Variants in ZMYM6 observed in about 807,000 individuals in gnomAD.
ZMYM6 encodes zinc finger MYM-type protein 6.
ZMYM6 carries 90 observed loss-of-function variants against 134.0 expected under a neutral mutation model. That is an observed-to-expected ratio of 0.67 (90% CI 0.57 to 0.80). The LOEUF (loss-of-function observed/expected upper bound fraction) is 0.80, where lower values mean the gene tolerates loss of function less well. ZMYM6 is among the 30% of genes least tolerant of loss of function. ZMYM6 has a pLI of 0.00. For synonymous variants in ZMYM6, 481 were observed against 524.1 expected (o/e 0.92, Z 1.12); for missense variants, 1,362 against 1,533.9 (o/e 0.89, Z 1.87).
At chr1:35,013,926 G>A (rs545907452) in intron 6 of ZMYM6, among the ~76,000 whole-genome samples, 229 of 152,240 alleles carry the variant, frequency 1.5e-3, no homozygotes, top group African/African-American at 5.3e-3. Flanking sequence ...CCCTGACCTC[G>A]TGATCCACCC....
intron 2 of ZMYM6, chr1:35,030,327 G>C (rs1180289139): frequency 1.2e-5 from 6 of 515,414 alleles, no homozygotes; most frequent in Admixed American, 1.1e-4. Flanking sequence ...AGCTACACAG[G>C]AGGCTGAGGT....
intron 4 of ZMYM6, chr1:35,017,455 A>G (rs917429951): frequency 5.3e-5 from 8 of 152,212 alleles, no homozygotes; most frequent in African/African-American, 1.4e-4. Flanking sequence ...AGCAAGTAAA[A>G]ATATGTAAAT....
chr1:34,992,340 G>A lies in ZMYM6; in HGVS notation c.2040C>T (p.Ser680=). The change falls in exon 15 of 16, where the codon TCC becomes TCT. Residue 680 remains serine (S), a synonymous_variant. Coordinates refer to ENST00000357182, the MANE Select transcript of ZMYM6 (RefSeq NM_007167.4). ...DAMKFPSSQS[S]QPSRLLKNKG... ...TGTTCTTTAAAAGCCTGGAAGGCTGGGAAGATTGGGAAGATGGAAATTTCA... is the reference window on the plus strand; with the variant it reads ...TGTTCTTTAAAAGCCTGGAAGGCTGAGAAGATTGGGAAGATGGAAATTTCA... The A allele has an allele frequency of 6.2e-7, 1 of 1,614,052 alleles. No individual in the cohort carries two copies. Among genetic ancestry groups the A allele is most frequent in the Non-Finnish European group, 8.5e-7 (1 of 1,179,954 alleles).
chr1:34,992,689 TA>T (rs1640701116), intron 14 of ZMYM6, among the ~76,000 whole-genome samples: 1 of 137,694 alleles, frequency 7.3e-6, no homozygotes, highest in Non-Finnish European at 1.5e-5. Context: ...TTTGTAAATA[TA>T]AAAATAAAAA....
chr1:35,031,767 T>A (rs1007620729), intron 1 of ZMYM6, 48 bp downstream of exon 1: 1 of 152,562 alleles, frequency 6.6e-6, no homozygotes, highest in African/African-American at 2.4e-5. Flanking sequence ...TCACGTGGTG[T>A]GGCCTCCGCC....
At chr1:34,993,081 A>G (rs1328415827) in intron 14 of ZMYM6, among the ~76,000 whole-genome samples, 4 of 150,046 alleles carry the variant, frequency 2.7e-5, no homozygotes, top group African/African-American at 7.3e-5. Flanking sequence ...AGAACTTTCA[A>G]ATAAACAGAT....
At chr1:35,015,409 C>G (rs1226958433) in intron 4 of ZMYM6, among the ~76,000 whole-genome samples, 1 of 151,814 alleles carries the variant, frequency 6.6e-6, no homozygotes, top group Non-Finnish European at 1.5e-5. Flanking sequence ...ATAAATTTGT[C>G]AAGAGTGAAT....
intron 14 of ZMYM6, among the ~76,000 whole-genome samples, chr1:34,996,763 G>T (rs1569749383): frequency 6.6e-6 from 1 of 152,232 alleles, no homozygotes; most frequent in East Asian, 1.9e-4. Flanking sequence ...CCTGAACAAG[G>T]CCACTGTGTA....
chr1:34,995,053 CGTATATATATGTAATATATATACTTACAT>C (rs1640755052), intron 14 of ZMYM6, among the ~76,000 whole-genome samples: 1 of 126,280 alleles, frequency 7.9e-6, no homozygotes, highest in Non-Finnish European at 1.6e-5. Context: ...TACTTACATA[CGTATATATATGTAATATATATACTTACAT>C]ACGTATATAT....
intron 2 of ZMYM6, among the ~76,000 whole-genome samples, chr1:35,027,251 G>C (rs995883763): frequency 6.6e-6 from 1 of 152,148 alleles, no homozygotes; most frequent in African/African-American, 2.4e-5. Context: ...ACACTGGAGA[G>C]GGAAACAAAG....
At chr1:35,030,166 A>C (rs1476537907) in intron 2 of ZMYM6, 1 of 163,824 alleles carries the variant, frequency 6.1e-6, no homozygotes, top group Admixed American at 6.4e-5. Flanking sequence ...ATGGTGGCTC[A>C]TGCCTGTAAT....
At chr1:34,991,671 G>C (rs1320828854) in intron 15 of ZMYM6, among the ~76,000 whole-genome samples, 2 of 152,096 alleles carry the variant, frequency 1.3e-5, no homozygotes, top group South Asian at 2.1e-4. Context: ...TCAGGAGGCT[G>C]AGACAGGAGA....
intron 1 of ZMYM6, among the ~76,000 whole-genome samples, chr1:35,031,096 T>C (rs1210057770): frequency 6.6e-6 from 1 of 152,188 alleles, no homozygotes; most frequent in Non-Finnish European, 1.5e-5. Context: ...ACGTCGGCTT[T>C]TATTTCTCAA....
intron 4 of ZMYM6, among the ~76,000 whole-genome samples, chr1:35,015,938 T>C (rs1641178499): frequency 7.9e-6 from 1 of 126,660 alleles, no homozygotes; most frequent in Non-Finnish European, 1.5e-5. Flanking sequence ...AAATGAATTT[T>C]TTCTTTCTTT....
intron 8 of ZMYM6, 135 bp from the exon 9 acceptor site, chr1:35,011,171 T>A: frequency 2.2e-6 from 2 of 913,618 alleles, no homozygotes; most frequent in Non-Finnish European, 3.2e-6. Flanking sequence ...AGAAAGAGTT[T>A]AAATGGTATA....
At chr1:35,016,126 T>C (rs1641183955) in intron 4 of ZMYM6, among the ~76,000 whole-genome samples, 1 of 151,954 alleles carries the variant, frequency 6.6e-6, no homozygotes, top group South Asian at 2.1e-4. Flanking sequence ...AATTTTTGTA[T>C]TTTTAGTACA....
chr1:35,020,982 A>G (rs935585460), intron 2 of ZMYM6, among the ~76,000 whole-genome samples: 1 of 152,132 alleles, frequency 6.6e-6, no homozygotes, highest in African/African-American at 2.4e-5. Flanking sequence ...AGAATTAGAG[A>G]ATCTTTTAAA....
At chr1:35,007,656 T>C (rs553848241) in intron 11 of ZMYM6, among the ~76,000 whole-genome samples, 1 of 151,656 alleles carries the variant, frequency 6.6e-6, no homozygotes, top group Admixed American at 6.6e-5. Flanking sequence ...TAAAGATAGG[T>C]TCATAACTGG....
chr1:35,015,743 A>AAAAAAATATATATAT, intron 4 of ZMYM6, among the ~76,000 whole-genome samples: 90 of 106,424 alleles, frequency 8.5e-4, no homozygotes, highest in African/African-American at 5.8e-3. Flanking sequence ...AAAAAAAAAA[A>AAAAAAATATATATAT]ATATATATAT....
Sources: gnomAD v4.1 joint callset for allele counts (sites outside exome capture counted in the v4.1 genomes callset) on GRCh38, gnomAD v4.1.1 for gene constraint, MANE v1.5 for transcripts, NCBI Gene and HGNC (gene_info 2026-07-23, HGNC 2026-07-21) for gene names.